The following CABP5 variants were observed in gnomAD, a reference collection of about 807,000 sequenced individuals.
The protein encoded by CABP5 is calcium binding protein 5.
CABP5 carries 17 observed loss-of-function variants against 21.9 expected under a neutral mutation model. The observed-to-expected ratio is 0.78, with a 90% CI of 0.53 to 1.17. CABP5 has a LOEUF of 1.17. Ranked by LOEUF, CABP5 falls within the 50% of genes most tolerant of loss-of-function variation. The pLI is 0.00. For synonymous variants in CABP5, 85 were observed against 79.4 expected (o/e 1.07, Z -0.37); for missense variants, 229 against 228.9 (o/e 1.00, Z 0.00).
chr19:48,042,836 G>C (rs1244493152), intron 1 of CABP5, among the ~76,000 whole-genome samples: 1 of 152,178 alleles, frequency 6.6e-6, no homozygotes, highest in Admixed American at 6.5e-5. Context: ...GCCTCCCAAA[G>C]GGCTGGGATC....
intron 4 of CABP5, among the ~76,000 whole-genome samples, chr19:48,036,741 G>A (rs374390224): frequency 6.6e-6 from 1 of 151,946 alleles, no homozygotes; most frequent in Non-Finnish European, 1.5e-5. Context: ...GGCAAAAGAC[G>A]TGAACAGCCA....
intron 5 of CABP5, among the ~76,000 whole-genome samples, chr19:48,033,195 G>A (rs1967363717): frequency 6.6e-6 from 1 of 151,878 alleles, no homozygotes; most frequent in South Asian, 2.1e-4. Context: ...GTAGAGACAG[G>A]ATTTCGCCAT....
At chr19:48,041,456 A>G in intron 2 of CABP5, 117 bp downstream of exon 2, 1 of 978,972 alleles carries the variant, frequency 1.0e-6, no homozygotes, top group Admixed American at 2.2e-5. Flanking sequence ...GAGTGGGAAG[A>G]GAGAGGGATT....
chr19:48,034,544 CTTTTTTT>C (rs1209870200), intron 4 of CABP5, among the ~76,000 whole-genome samples, 182 bp from the exon 5 acceptor site: 1 of 99,706 alleles, frequency 1.0e-5, no homozygotes, highest in African/African-American at 3.3e-5. Context: ...TTTTTTCTTT[CTTTTTTT>C]TTTTTTTTTT....
intron 5 of CABP5, among the ~76,000 whole-genome samples, chr19:48,031,764 G>A (rs1020341085): frequency 1.1e-4 from 16 of 152,090 alleles, no homozygotes; most frequent in African/African-American, 3.1e-4. Context: ...CGGGTCTTGA[G>A]GTCATCCTGA....
At chr19:48,033,632 A>T (rs1967370319) in intron 5 of CABP5, among the ~76,000 whole-genome samples, 1 of 152,176 alleles carries the variant, frequency 6.6e-6, no homozygotes, top group African/African-American at 2.4e-5. Flanking sequence ...GGGAAAGGGT[A>T]TTCCAGACGG....
intron 3 of CABP5, 88 bp downstream of exon 3, chr19:48,040,517 C>G (rs8102084): frequency 0.81 from 1,145,606 of 1,422,614 alleles, 465,188 homozygotes; most frequent in East Asian, 0.84. Context: ...TCTCCACCCC[C>G]AACTCTACTC....
chr19:48,039,360 G>A, intron 3 of CABP5, 43 bp from the exon 4 acceptor site: 1 of 1,470,124 alleles, frequency 6.8e-7, no homozygotes, highest in Non-Finnish European at 9.5e-7. Flanking sequence ...CACAAGCCCT[G>A]GCCTTCCATT....
intron 1 of CABP5, among the ~76,000 whole-genome samples, chr19:48,043,175 A>ATT (rs141506489): frequency 7.3e-5 from 11 of 151,072 alleles, no homozygotes; most frequent in East Asian, 4.0e-4. Flanking sequence ...ATGCTGAGCT[A>ATT]TTTTTTTGTA....
At chr19:48,042,314 A>G (rs1967491083) in intron 1 of CABP5, among the ~76,000 whole-genome samples, 1 of 152,170 alleles carries the variant, frequency 6.6e-6, no homozygotes, top group Non-Finnish European at 1.5e-5. Context: ...ACAGCATTCA[A>G]TGGCTTTCAG....
chr19:48,038,963 C>T (rs750457), intron 4 of CABP5, among the ~76,000 whole-genome samples: 14,735 of 151,948 alleles, frequency 0.097, 737 homozygotes, highest in South Asian at 0.13. Flanking sequence ...TGTTTGTGTG[C>T]GTGTTTTTGT....
chr19:48,039,235 G>T lies in CABP5; in HGVS notation c.321C>A (p.Val107=), dbSNP rs774758815. The change falls in exon 4 of 6, where the codon GTC becomes GTA. Residue 107 remains valine, a synonymous_variant. Coordinates refer to ENST00000293255, the MANE Select transcript of CABP5 (RefSeq NM_019855.5). ...CCTTGAAGGCATCCCGCATCTCCTG[G>T]ACACCGATCATCCCAGCTGTTTCTG... ...LLAETAGMIG[V]QEMRDAFKEF... 10 of 1,613,814 alleles carry T rather than the reference G, an allele frequency of 6.2e-6. No homozygotes were observed. Among genetic ancestry groups the T allele is most frequent in the Middle Eastern group, 1.6e-4 (1 of 6,084 alleles).
chr19:48,034,119 GAGA>G (rs1310803906), intron 5 of CABP5, 93 bp downstream of exon 5: 30 of 1,262,268 alleles, frequency 2.4e-5, no homozygotes, highest in African/African-American at 3.1e-5. Context: ...GGAGAGGAGT[GAGA>G]AGGAGTGGCC....
At chr19:48,041,537 T>C in intron 2 of CABP5, 36 bp downstream of exon 2, 1 of 1,609,872 alleles carries the variant, frequency 6.2e-7, no homozygotes, top group African/African-American at 1.3e-5. Context: ...GGTGGGTGGA[T>C]GGCAACGTGG....
intron 5 of CABP5, among the ~76,000 whole-genome samples, chr19:48,031,385 C>A (rs931336530): frequency 1.3e-5 from 2 of 151,984 alleles, no homozygotes; most frequent in African/African-American, 4.8e-5. Context: ...ACTAAAAATA[C>A]AAAAATTAGC....
At chr19:48,032,667 G>C in intron 5 of CABP5, among the ~76,000 whole-genome samples, 1 of 138,232 alleles carries the variant, frequency 7.2e-6, no homozygotes, top group Non-Finnish European at 1.6e-5. Flanking sequence ...GAGTCTCACT[G>C]TTGCCCGGGC....
chr19:48,035,259 C>T (rs1041656309), intron 4 of CABP5, among the ~76,000 whole-genome samples: 71 of 151,226 alleles, frequency 4.7e-4, no homozygotes, highest in African/African-American at 1.7e-3. Flanking sequence ...TAATGTGCTT[C>T]ATGTTTATTC....
chr19:48,039,410 T>C, intron 3 of CABP5, 93 bp from the exon 4 acceptor site: 1 of 926,804 alleles, frequency 1.1e-6, no homozygotes, highest in Non-Finnish European at 1.8e-6. Context: ...TCAGCTCCCT[T>C]CTCCCTGCCC....
chr19:48,034,234 G>A lies in CABP5; in HGVS notation c.477C>T (p.Asp159=), dbSNP rs758495669. The change falls in exon 5 of 6, where the codon GAC becomes GAT. Residue 159 remains aspartate (D), a synonymous_variant. Coordinates refer to ENST00000293255, the MANE Select transcript of CABP5 (RefSeq NM_019855.5). ...EVVREADVNG[D]GTVDFEEFVK... ...TGTCACCTTCAAAGTCAACTGTGCC[G>A]TCTCCATTAACATCAGCCTCCCGGA... is the stretch of plus-strand genomic sequence containing the variant. 2.7e-5 allele frequency: 43 copies of A among 1,597,072 alleles called. No individual in the cohort carries two copies. Among genetic ancestry groups the A allele is most frequent in the African/African-American group, 5.4e-5 (4 of 74,028 alleles).
Sources: gnomAD v4.1 joint callset for allele counts (sites outside exome capture counted in the v4.1 genomes callset) on GRCh38, gnomAD v4.1.1 for gene constraint, MANE v1.5 for transcripts, NCBI Gene and HGNC (gene_info 2026-07-23, HGNC 2026-07-21) for gene names.